The following MFSD6 variants were observed in gnomAD, a reference collection of about 807,000 sequenced individuals.
MFSD6 encodes major facilitator superfamily domain-containing protein 6.
MFSD6 carries 26 observed loss-of-function variants against 56.3 expected under a neutral mutation model. The ratio of observed to expected loss-of-function variants is 0.46; its 90% CI spans 0.34 to 0.64. The LOEUF (loss-of-function observed/expected upper bound fraction) is 0.64, where lower values mean the gene tolerates loss of function less well. Ranked by LOEUF, MFSD6 falls within the 30% of genes least tolerant of loss-of-function variation. The pLI, the probability that MFSD6 is intolerant of heterozygous loss-of-function variation, is 0.01. For missense variants in MFSD6, 750 were observed against 986.2 expected, an observed-to-expected ratio of 0.76 and a Z score of 3.21; for synonymous variants, 331 against 366.9, an observed-to-expected ratio of 0.90 and a Z score of 1.12.
At position 190,410,572 on chromosome 2, in the gene MFSD6, G is replaced by C. The variant is rs1255952308; in HGVS notation, c.-176+2069G>C. On this transcript the variant is annotated intron_variant, in intron 1 of 7. Transcript: ENST00000392328. The surrounding 1 kb of genome is among the most constrained non-coding windows in gnomAD (Gnocchi z 4.4). ...TTATTACGTATGTATATTAATGTGTGTATGTTTACCCTTTTGTCCTCACCA... is the reference window on the plus strand; with the variant it reads ...TTATTACGTATGTATATTAATGTGTCTATGTTTACCCTTTTGTCCTCACCA... Among the ~76,000 whole-genome samples the C allele has an allele frequency of 6.6e-6, 1 of 152,200 alleles. No homozygotes were observed. Among genetic ancestry groups the C allele is most frequent in the African/African-American group, 2.4e-5 (1 of 41,444 alleles).
chr2:190,451,721 A>G lies in MFSD6; in HGVS notation c.1532+14160A>G, dbSNP rs529809073. Among the ~76,000 whole-genome samples, 1 of 152,346 alleles carries G rather than the reference A, an allele frequency of 6.6e-6. No homozygotes were observed. The highest frequency in any genetic ancestry group is 1.5e-5 in the Non-Finnish European group (1 of 68,024). On this transcript the variant is annotated intron_variant, in intron 3 of 7. Transcript: ENST00000392328. This position sits in a 1 kb window ranked among gnomAD's most constrained non-coding sequence, Gnocchi z 5.0. ...CAGTGAAGATCTTGGGGACAGAGAAAACCACACATGTGAATGGCCAGGGAG... is the reference window on the plus strand; with the variant it reads ...CAGTGAAGATCTTGGGGACAGAGAAGACCACACATGTGAATGGCCAGGGAG...
At position 190,488,679 on chromosome 2, in the gene MFSD6, G is replaced by A; in HGVS notation, c.1653G>A (p.Trp551Ter). 6.3e-7 allele frequency: 1 copy of A among 1,585,620 alleles called. No individual in the cohort carries two copies. Among genetic ancestry groups the A allele is most frequent in the Non-Finnish European group, 8.6e-7 (1 of 1,166,774 alleles). The stretch of plus-strand genomic sequence containing the variant: ...CAGGAGTGACACACGCGGCCATCTG[G>A]GCAGCATGCATTTCTTACCTCAGTG... ...VLQGVTHAAI[W>*]AACISYLSAA... The change falls in exon 5 of 8, where the codon TGG becomes TGA. Residue 551 changes from tryptophan (W) to a stop codon, truncating the protein, a stop_gained. Transcript: ENST00000392328. LOFTEE classifies it high-confidence loss of function. This position sits in a 1 kb window ranked among gnomAD's most constrained non-coding sequence, Gnocchi z 6.4.
intron 3 of MFSD6, among the ~76,000 whole-genome samples, chr2:190,446,008 C>T (rs1490275540): frequency 6.6e-6 from 1 of 152,064 alleles, no homozygotes; most frequent in African/African-American, 2.4e-5. Context: ...ATTATCCTGC[C>T]TCCTCCTTGA....
Position 190,462,809 on chromosome 2 carries a change from A to G in MFSD6, c.1533-6949A>G, listed in dbSNP as rs1687398544. Among the ~76,000 whole-genome samples, 1 of 152,188 alleles carries G rather than the reference A, an allele frequency of 6.6e-6. No individual in the cohort carries two copies. Among genetic ancestry groups the G allele is most frequent in the African/African-American group, 2.4e-5 (1 of 41,444 alleles). On this transcript the variant is annotated intron_variant, in intron 3 of 7. Transcript: ENST00000392328. The surrounding 1 kb of genome is among the most constrained non-coding windows in gnomAD (Gnocchi z 5.7). ...ATACTGTCAGCCCTGCTACTTCTAG[A>G]TAAGCACTTGGTCTGAACATGAGCT... is the stretch of plus-strand genomic sequence containing the variant.
At position 190,467,196 on chromosome 2, in the gene MFSD6, G is replaced by C. The variant is rs1237025798; in HGVS notation, c.1533-2562G>C. Among the ~76,000 whole-genome samples the C allele has an allele frequency of 6.6e-6, 1 of 152,240 alleles. No homozygotes were observed. Among genetic ancestry groups the C allele is most frequent in the Non-Finnish European group, 1.5e-5 (1 of 68,032 alleles). On this transcript the variant is annotated intron_variant, in intron 3 of 7. Transcript: ENST00000392328. This position sits in a 1 kb window ranked among gnomAD's most constrained non-coding sequence, Gnocchi z 5.5. Reference sequence around the variant, plus strand: ...ACCACTGGTTCTCCACCCTGGCTCAGTAAGAGAACAACCTGGGGAACTTTC... The same window carrying C: ...ACCACTGGTTCTCCACCCTGGCTCACTAAGAGAACAACCTGGGGAACTTTC...
rs1176813666 is a variant in MFSD6 at position 190,434,461 on chromosome 2, G to C, written c.-53-1516G>C. Among the ~76,000 whole-genome samples the C allele has an allele frequency of 6.6e-6, 1 of 152,012 alleles. No individual in the cohort carries two copies. The highest frequency in any genetic ancestry group is 1.5e-5 in the Non-Finnish European group (1 of 68,006). The stretch of plus-strand genomic sequence containing the variant: ...TTTATTTATTTATTTTTTTGAGACG[G>C]AGTCTCGCTCTGTTGCCAGGCTGGA... On this transcript the variant is annotated intron_variant, in intron 2 of 7. Coordinates refer to ENST00000392328, the MANE Select transcript of MFSD6 (RefSeq NM_017694.4). The surrounding 1 kb of genome is among the most constrained non-coding windows in gnomAD (Gnocchi z 4.3).
At chr2:190,466,873 TC>T (rs746670710) in intron 3 of MFSD6, among the ~76,000 whole-genome samples, 9 of 152,132 alleles carry the variant, frequency 5.9e-5, no homozygotes, top group African/African-American at 9.7e-5. Context: ...GACCTAAGGG[TC>T]CCAGAAGTTG....
chr2:190,482,874 T>TC (rs1303376273), intron 4 of MFSD6, among the ~76,000 whole-genome samples: 1 of 23,424 alleles, frequency 4.3e-5, no homozygotes, highest in Non-Finnish European at 1.1e-4. Context: ...TCATCTTTTT[T>TC]TTTTTTTTTT....
At chr2:190,430,829 C>A (rs1685954960) in intron 2 of MFSD6, among the ~76,000 whole-genome samples, 1 of 144,856 alleles carries the variant, frequency 6.9e-6, no homozygotes, top group Non-Finnish European at 1.5e-5. Flanking sequence ...GACGGGGCGG[C>A]CGGCCGGGCG....
rs115461928 is a variant in MFSD6 at position 190,500,568 on chromosome 2, G to A, written c.*350G>A. On this transcript the variant is annotated 3_prime_UTR_variant, in exon 8 of 8. Transcript: ENST00000392328. This position sits in a 1 kb window ranked among gnomAD's most constrained non-coding sequence, Gnocchi z 5.3. ...TAAGTGGAGGGAATGAAAGTGTTTCGAGGTGAATGTGGATATAATTTCCCT... is the reference window on the plus strand; with the variant it reads ...TAAGTGGAGGGAATGAAAGTGTTTCAAGGTGAATGTGGATATAATTTCCCT... 0.01 allele frequency: 2,264 copies of A among 218,006 alleles called. 57 individuals carry two copies. The highest frequency in any genetic ancestry group is 0.047 in the African/African-American group (2,084 of 44,172). 13.5% of individuals were successfully genotyped at this position (218,006 alleles called of 1,614,324 possible).
chr2:190,435,148 A>T (rs1686132926), intron 2 of MFSD6, among the ~76,000 whole-genome samples: 1 of 152,212 alleles, frequency 6.6e-6, no homozygotes, highest in Admixed American at 6.5e-5. Flanking sequence ...CATCGTAGAG[A>T]GCATGTGTCC....
rs991538579 is a variant in MFSD6, at chr2:190,498,311, C to T, written c.2172+592C>T. ...TCCCGACTTTGGAAAATGAGTGTAA[C>T]TTCTATAAACAATTTAGCCAAAGAA... On this transcript the variant is annotated intron_variant, in intron 7 of 7. Coordinates refer to ENST00000392328, the MANE Select transcript of MFSD6 (RefSeq NM_017694.4). This position sits in a 1 kb window ranked among gnomAD's most constrained non-coding sequence, Gnocchi z 5.9. 2.0e-5 allele frequency among the ~76,000 whole-genome samples: 3 copies of T among 152,142 alleles called. No individual in the cohort carries two copies. The highest frequency in any genetic ancestry group is 2.0e-4 in the Admixed American group (3 of 15,276).
chr2:190,468,463 T>G (rs1199543736), intron 3 of MFSD6, among the ~76,000 whole-genome samples: 1 of 151,428 alleles, frequency 6.6e-6, no homozygotes, highest in Non-Finnish European at 1.5e-5. Flanking sequence ...ATTTTTTTTT[T>G]TTTTTTTGAG....
In MFSD6 at chr2:190,456,828, G is replaced by A. The variant is rs1054561263; in HGVS notation, c.1533-12930G>A. Among the ~76,000 whole-genome samples the A allele has an allele frequency of 4.6e-5, 7 of 152,110 alleles. No homozygotes were observed. In the East Asian group the frequency reaches 7.7e-4, roughly 17 times the overall value. ...ACCTCAGCAGAAATGATCTTTCAGC[G>A]CATTTCTTCTCATAACACAGAATTT... On this transcript the variant is annotated intron_variant, in intron 3 of 7. Transcript: ENST00000392328. The surrounding 1 kb of genome is among the most constrained non-coding windows in gnomAD (Gnocchi z 5.4).
At position 190,463,992 on chromosome 2, in the gene MFSD6, GA is replaced by G. The variant is rs1299760772; in HGVS notation, c.1533-5763del. The G allele has an allele frequency of 5.7e-6, 4 of 706,722 alleles. No individual in the cohort carries two copies. Among genetic ancestry groups the G allele is most frequent in the Non-Finnish European group, 6.9e-6 (4 of 575,640 alleles). 43.8% of individuals were successfully genotyped at this position (706,722 alleles called of 1,614,324 possible). A position where few individuals can be genotyped will look rare whatever the true frequency, so the allele number is the denominator to read the frequency against. Reference sequence around the variant, plus strand: ...GTCAACAACCAGCTCTTTTCATTAGGAAATCTAGTAAAAACTCCAGCCAGGT... The same window carrying G: ...GTCAACAACCAGCTCTTTTCATTAGGAATCTAGTAAAAACTCCAGCCAGGT... On this transcript the variant is annotated intron_variant, in intron 3 of 7. Coordinates refer to ENST00000392328, the MANE Select transcript of MFSD6 (RefSeq NM_017694.4). This position sits in a 1 kb window ranked among gnomAD's most constrained non-coding sequence, Gnocchi z 4.4.
At chr2:190,472,231 C>CTGGACAGA (rs1376470318) in intron 4 of MFSD6, among the ~76,000 whole-genome samples, 2 of 152,224 alleles carry the variant, frequency 1.3e-5, no homozygotes, top group Non-Finnish European at 2.9e-5. Context: ...TGGAACAAAG[C>CTGGACAGA]TGGACAGAGA....
At chr2:190,441,130 C>T (rs1480585301) in intron 3 of MFSD6, among the ~76,000 whole-genome samples, 1 of 152,134 alleles carries the variant, frequency 6.6e-6, no homozygotes, top group Admixed American at 6.5e-5. Context: ...CTTATTTCTA[C>T]CCATCTCTTT....
intron 4 of MFSD6, among the ~76,000 whole-genome samples, chr2:190,478,262 C>T (rs1461961211): frequency 6.6e-6 from 1 of 152,160 alleles, no homozygotes; most frequent in Non-Finnish European, 1.5e-5. Flanking sequence ...TCTGTAAATA[C>T]AGCCTCCTAG....
Position 190,469,962 on chromosome 2 carries a change from T to A in MFSD6, c.1630+107T>A, listed in dbSNP as rs1687824936. 2.8e-6 allele frequency: 2 copies of A among 726,502 alleles called. No individual in the cohort carries two copies. The highest frequency in any genetic ancestry group is 5.4e-5 in the East Asian group (2 of 37,150). The allele number at this position is 726,502 out of a possible 1,614,324, so 45.0% of individuals were successfully genotyped here. A position where few individuals can be genotyped will look rare whatever the true frequency, so the allele number is the denominator to read the frequency against. On this transcript the variant is annotated intron_variant, in intron 4 of 7. Coordinates refer to ENST00000392328, the MANE Select transcript of MFSD6 (RefSeq NM_017694.4). This position sits in a 1 kb window ranked among gnomAD's most constrained non-coding sequence, Gnocchi z 5.3. ...TTCTATAAAGGAAGGGCAGGCCTAC[T>A]GTTTCATGTGATTTTGAAGTGGTTG...
Sources: gnomAD v4.1 joint callset for allele counts (sites outside exome capture counted in the v4.1 genomes callset) on GRCh38, gnomAD v4.1.1 for gene constraint, Gnocchi (gnomAD v3.1) non-coding constraint, MANE v1.5 for transcripts, NCBI Gene and HGNC (gene_info 2026-07-23, HGNC 2026-07-21) for gene names.